The following KCNQ5 variants were observed in gnomAD, a reference collection of about 807,000 sequenced individuals.
The protein encoded by KCNQ5 is potassium voltage-gated channel subfamily Q member 5.
A neutral mutation model predicts 98.2 loss-of-function variants in KCNQ5; 30 were observed. The ratio of observed to expected loss-of-function variants is 0.31; its 90% confidence interval spans 0.23 to 0.41. The LOEUF (loss-of-function observed/expected upper bound fraction) is 0.41. KCNQ5 is among the 10% of genes least tolerant of loss of function. KCNQ5 has a pLI of 1.00. For missense variants in KCNQ5, 835 were observed against 1,182.5 expected, an observed-to-expected ratio of 0.71 and a Z score of 4.31; for synonymous variants, 458 against 449.4, an observed-to-expected ratio of 1.02 and a Z score of -0.24.
rs1772041702 is a variant in KCNQ5 at position 73,047,852 on chromosome 6, G to A, written c.616+5790G>A. 2.0e-5 allele frequency among the ~76,000 whole-genome samples: 3 copies of A among 152,182 alleles called. No individual in the cohort carries two copies. The South Asian group carries it at 6.2e-4, about 32-fold the overall frequency. ...TTAAAGGAGGTATACTATAATTATGGTGTTACAGAGCAAAGGTGATGGAAA... is the reference window on the plus strand; with the variant it reads ...TTAAAGGAGGTATACTATAATTATGATGTTACAGAGCAAAGGTGATGGAAA... On this transcript the variant is annotated intron_variant, in intron 3 of 13. Coordinates refer to ENST00000370398, the MANE Select transcript of KCNQ5 (RefSeq NM_019842.4).
rs556844398 is a variant in KCNQ5 at position 73,191,770 on chromosome 6, T to C, written c.1710-795T>C. Among the ~76,000 whole-genome samples the C allele has an allele frequency of 1.6e-4, 24 of 152,342 alleles. No individual in the cohort carries two copies. The South Asian group carries it at 4.1e-3, about 26-fold the overall frequency. ...ATAATGACCCAGACCTTGTAGAGTTTGCAGTTTAGTAAATTAGATGTCATG... is the reference window on the plus strand; with the variant it reads ...ATAATGACCCAGACCTTGTAGAGTTCGCAGTTTAGTAAATTAGATGTCATG... On this transcript the variant is annotated intron_variant, in intron 12 of 13. Coordinates refer to ENST00000370398, the MANE Select transcript of KCNQ5 (RefSeq NM_019842.4).
intron 1 of KCNQ5, among the ~76,000 whole-genome samples, chr6:72,740,877 C>T (rs561405044): frequency 1.2e-3 from 185 of 152,254 alleles, no homozygotes; most frequent in African/African-American, 3.6e-3. Flanking sequence ...CCTCTAATTA[C>T]GACTTTATTG....
chr6:73,160,058 G>A (rs1777551947), intron 10 of KCNQ5, among the ~76,000 whole-genome samples: 1 of 152,120 alleles, frequency 6.6e-6, no homozygotes, highest in African/African-American at 2.4e-5. Flanking sequence ...CTGTCGCCCA[G>A]GCTGGAGTGC....
intron 1 of KCNQ5, among the ~76,000 whole-genome samples, chr6:72,759,571 T>G (rs1772147363): frequency 6.6e-6 from 1 of 152,128 alleles, no homozygotes; most frequent in African/African-American, 2.4e-5. Flanking sequence ...GAGGACTGTT[T>G]CCTTGTGAGT....
chr6:73,056,230 G>A (rs1481309942), intron 3 of KCNQ5, among the ~76,000 whole-genome samples: 1 of 152,174 alleles, frequency 6.6e-6, no homozygotes, highest in East Asian at 1.9e-4. Context: ...AGCTAGTCCT[G>A]TGCTTGTCTG....
intron 1 of KCNQ5, among the ~76,000 whole-genome samples, chr6:72,994,833 A>G (rs1769209854): frequency 6.6e-6 from 1 of 152,222 alleles, no homozygotes; most frequent in Admixed American, 6.5e-5. Flanking sequence ...GTATTTGAAG[A>G]TGAAACTGAA....
chr6:72,792,825 T>C (rs1269737232), intron 1 of KCNQ5, among the ~76,000 whole-genome samples: 1 of 152,218 alleles, frequency 6.6e-6, no homozygotes, highest in East Asian at 1.9e-4. Context: ...ATGGGAACAC[T>C]TGTGATGTCT....
intron 1 of KCNQ5, among the ~76,000 whole-genome samples, chr6:72,957,864 G>A (rs1180808945): frequency 2.0e-5 from 3 of 152,002 alleles, no homozygotes; most frequent in African/African-American, 7.2e-5. Context: ...TTTCATTCTT[G>A]TTCTCATCTT....
rs1765795514 is a variant in KCNQ5, at chr6:73,196,470, TAGA to T, written c.*1061_*1063del. 1 of 152,268 alleles carries T rather than the reference TAGA, an allele frequency of 6.6e-6. No homozygotes were observed. Among genetic ancestry groups the T allele is most frequent in the South Asian group, 2.1e-4 (1 of 4,816 alleles). 9.4% of individuals were successfully genotyped at this position (152,268 alleles called of 1,614,324 possible). A position where few individuals can be genotyped will look rare whatever the true frequency, so the allele number is the denominator to read the frequency against. ...TGAGAGGGAGAGAAACAAACCAAAA[TAGA>T]AGAACTAGACTTTTTAGAAAATGAG... On this transcript the variant is annotated 3_prime_UTR_variant, in exon 14 of 14. Transcript: ENST00000370398.
intron 1 of KCNQ5, among the ~76,000 whole-genome samples, chr6:72,700,284 T>C (rs1330880866): frequency 7.1e-6 from 1 of 140,464 alleles, no homozygotes; most frequent in Non-Finnish European, 1.5e-5. Flanking sequence ...GGCCAATCTA[T>C]ATATCTATAT....
intron 3 of KCNQ5, among the ~76,000 whole-genome samples, chr6:73,070,236 G>A (rs184617115): frequency 1.1e-4 from 16 of 152,094 alleles, no homozygotes; most frequent in Non-Finnish European, 2.1e-4. Context: ...TGTGTCACAC[G>A]AATATAGGAA....
intron 1 of KCNQ5, among the ~76,000 whole-genome samples, chr6:72,717,923 C>T (rs557909478): frequency 2.6e-5 from 4 of 152,250 alleles, no homozygotes; most frequent in African/African-American, 9.6e-5. Context: ...TACAGTACTA[C>T]CAAGAGTAGT....
At chr6:72,871,312 A>G (rs1778196305) in intron 1 of KCNQ5, among the ~76,000 whole-genome samples, 1 of 152,158 alleles carries the variant, frequency 6.6e-6, no homozygotes, top group Non-Finnish European at 1.5e-5. Flanking sequence ...ACATATTCTG[A>G]TTTTGATTCT....
chr6:72,850,666 C>T (rs1777216742), intron 1 of KCNQ5, among the ~76,000 whole-genome samples: 1 of 152,142 alleles, frequency 6.6e-6, no homozygotes, highest in Non-Finnish European at 1.5e-5. Context: ...AAGAATGCTG[C>T]CTTTCCAGGT....
At chr6:72,812,353 A>G (rs1379639244) in intron 1 of KCNQ5, among the ~76,000 whole-genome samples, 2 of 152,178 alleles carry the variant, frequency 1.3e-5, no homozygotes, top group African/African-American at 4.8e-5. Context: ...TCTGGTTTGA[A>G]TGCCTCTGAC....
At chr6:73,037,871 A>G (rs1422425925) in intron 2 of KCNQ5, among the ~76,000 whole-genome samples, 2 of 152,066 alleles carry the variant, frequency 1.3e-5, no homozygotes, top group Non-Finnish European at 2.9e-5. Context: ...GTGCATTTCC[A>G]TATAAATTTT....
At chr6:73,041,317 T>C (rs1463615089) in intron 2 of KCNQ5, among the ~76,000 whole-genome samples, 1 of 152,218 alleles carries the variant, frequency 6.6e-6, no homozygotes, top group Non-Finnish European at 1.5e-5. Context: ...AAGGGCAGCA[T>C]AATAATTAAC....
At chr6:73,087,065 T>C (rs1774016156) in intron 5 of KCNQ5, among the ~76,000 whole-genome samples, 1 of 152,216 alleles carries the variant, frequency 6.6e-6, no homozygotes, top group Admixed American at 6.5e-5. Flanking sequence ...AGCTTAGAAT[T>C]TATTTTGAAT....
intron 1 of KCNQ5, among the ~76,000 whole-genome samples, chr6:72,912,256 T>C (rs1779972051): frequency 6.6e-6 from 1 of 152,146 alleles, no homozygotes; most frequent in African/African-American, 2.4e-5. Flanking sequence ...TATGTACATA[T>C]AGGTAAATCA....
Sources: allele counts gnomAD v4.1 joint callset (sites outside exome capture counted in the v4.1 genomes callset), GRCh38; gene constraint gnomAD v4.1.1; transcripts MANE v1.5; gene names NCBI Gene and HGNC (gene_info 2026-07-23, HGNC 2026-07-21).